Variants in FSTL4 observed in about 807,000 individuals in gnomAD.
The protein encoded by FSTL4 is follistatin like 4.
A neutral mutation model predicts 78.2 loss-of-function variants in FSTL4; 28 were observed. The observed-to-expected ratio is 0.36, with a 90% CI of 0.27 to 0.49. The LOEUF is 0.49. Ranked by LOEUF, FSTL4 falls within the 20% of genes least tolerant of loss-of-function variation. The probability of loss-of-function intolerance (pLI) is 0.98; values close to 1 mark genes in which losing one functional copy is unlikely to be tolerated. For synonymous variants in FSTL4, 422 were observed against 440.5 expected (o/e 0.96, Z 0.53); for missense variants, 922 against 1,084.9 (o/e 0.85, Z 2.11).
the FSTL4 span, among the ~76,000 whole-genome samples, chr5:133,656,039 T>C: frequency 1.3e-5 from 2 of 152,150 alleles, no homozygotes; most frequent in Non-Finnish European, 2.9e-5. Flanking sequence ...TCTTAAGACA[T>C]GATGTTTAAG....
At chr5:133,344,977 T>C (rs2126921332) in intron 4 of FSTL4, among the ~76,000 whole-genome samples, 1 of 150,960 alleles carries the variant, frequency 6.6e-6, no homozygotes, top group African/African-American at 2.4e-5. Flanking sequence ...ACTTTTTTTT[T>C]TTTTTTTTTG....
intron 3 of FSTL4, among the ~76,000 whole-genome samples, chr5:133,439,405 T>G (rs1757103384): frequency 6.6e-6 from 1 of 152,234 alleles, no homozygotes; most frequent in African/African-American, 2.4e-5. Flanking sequence ...AAAAGCTATT[T>G]GAGGCCTCTG....
intron 6 of FSTL4, among the ~76,000 whole-genome samples, chr5:133,300,308 CA>C (rs1364243837): frequency 6.6e-6 from 1 of 152,210 alleles, no homozygotes; most frequent in Non-Finnish European, 1.5e-5. Context: ...CTCCAGGTGT[CA>C]GGGGTGGCAG....
intron 6 of FSTL4, among the ~76,000 whole-genome samples, chr5:133,263,590 A>C (rs1376060274): frequency 1.3e-5 from 2 of 152,168 alleles, no homozygotes; most frequent in Non-Finnish European, 2.9e-5. Context: ...TCGTTAGAGC[A>C]CTGGGGAATG....
chr5:133,325,922 C>G (rs896251616), intron 4 of FSTL4, among the ~76,000 whole-genome samples: 27 of 152,314 alleles, frequency 1.8e-4, no homozygotes, highest in African/African-American at 6.5e-4. Context: ...ATGTGCTGCC[C>G]CAGCAAAGCT....
chr5:133,645,526 G>T, the FSTL4 span, among the ~76,000 whole-genome samples: 1 of 152,116 alleles, frequency 6.6e-6, no homozygotes, highest in Non-Finnish European at 1.5e-5. Context: ...CTGACTAGGT[G>T]CCTGGCACTT....
chr5:133,508,835 G>A (rs1758666619), intron 3 of FSTL4, among the ~76,000 whole-genome samples: 1 of 152,168 alleles, frequency 6.6e-6, no homozygotes, highest in Admixed American at 6.5e-5. Flanking sequence ...TCCTGTTTAA[G>A]CAAGGCTTGA....
At chr5:133,268,311 A>G (rs1463637208) in intron 6 of FSTL4, among the ~76,000 whole-genome samples, 2 of 152,184 alleles carry the variant, frequency 1.3e-5, no homozygotes, top group Non-Finnish European at 2.9e-5. Flanking sequence ...GGTCCGGTCA[A>G]CTTTGGTCTG....
At chr5:133,282,826 G>A (rs751392774) in intron 6 of FSTL4, among the ~76,000 whole-genome samples, 2 of 152,204 alleles carry the variant, frequency 1.3e-5, no homozygotes, top group African/African-American at 2.4e-5. Flanking sequence ...CTACCGCTCT[G>A]AAAGGGTCTG....
At chr5:133,638,097 C>A in the FSTL4 span, among the ~76,000 whole-genome samples, 2 of 152,220 alleles carry the variant, frequency 1.3e-5, no homozygotes, top group African/African-American at 4.8e-5. Context: ...AGTCTGAAAG[C>A]CTTGGAGTTA....
intron 4 of FSTL4, among the ~76,000 whole-genome samples, chr5:133,365,154 T>G (rs1023613356): frequency 6.6e-6 from 1 of 151,950 alleles, no homozygotes; most frequent in African/African-American, 2.4e-5. Flanking sequence ...CTGTCCTCCT[T>G]TTACGAGGAG....
At chr5:133,261,190 TG>T (rs1488539228) in intron 6 of FSTL4, among the ~76,000 whole-genome samples, 1 of 152,186 alleles carries the variant, frequency 6.6e-6, no homozygotes, top group Non-Finnish European at 1.5e-5. Flanking sequence ...CCCCACTGCA[TG>T]TTTCCTGGGC....
the FSTL4 span, among the ~76,000 whole-genome samples, chr5:133,836,909 G>A: frequency 5.9e-5 from 9 of 152,004 alleles, no homozygotes; most frequent in African/African-American, 1.7e-4. Flanking sequence ...TCGTTTTATC[G>A]TGATGTGTCT....
At chr5:133,227,330 C>G (rs1465167032) in intron 8 of FSTL4, among the ~76,000 whole-genome samples, 1 of 152,196 alleles carries the variant, frequency 6.6e-6, no homozygotes, top group Non-Finnish European at 1.5e-5. Context: ...GGAGGCATGT[C>G]TGGAGGACTG....
At chr5:133,739,888 GCT>G in the FSTL4 span, among the ~76,000 whole-genome samples, 1 of 150,004 alleles carries the variant, frequency 6.7e-6, no homozygotes, top group South Asian at 2.1e-4. Flanking sequence ...TGAAACATAA[GCT>G]CTGTCTTTTT....
chr5:133,371,964 AG>A (rs1294577297), intron 4 of FSTL4, among the ~76,000 whole-genome samples: 1 of 152,226 alleles, frequency 6.6e-6, no homozygotes, highest in East Asian at 1.9e-4. Flanking sequence ...AGCTGTTGGA[AG>A]GCTCACCATT....
chr5:133,700,258 C>T, the FSTL4 span, among the ~76,000 whole-genome samples: 1 of 147,094 alleles, frequency 6.8e-6, no homozygotes, highest in Non-Finnish European at 1.5e-5. Flanking sequence ...CACACAAAGC[C>T]ACCACACCAA....
chr5:133,665,833 G>A, the FSTL4 span, among the ~76,000 whole-genome samples: 7,371 of 152,232 alleles, frequency 0.048, 215 homozygotes, highest in East Asian at 0.087. Flanking sequence ...GAAAAAATGC[G>A]GAGCAAGAGA....
chr5:133,803,081 C>A, the FSTL4 span, among the ~76,000 whole-genome samples: 1 of 152,274 alleles, frequency 6.6e-6, no homozygotes, highest in South Asian at 2.1e-4. Context: ...TCAGATAGAG[C>A]AGAACCAAGA....
Sources: gnomAD v4.1 joint callset for allele counts (sites outside exome capture counted in the v4.1 genomes callset) on GRCh38, gnomAD v4.1.1 for gene constraint, MANE v1.5 for transcripts, NCBI Gene and HGNC (gene_info 2026-07-23, HGNC 2026-07-21) for gene names.